Variants in DMXL1 observed in about 807,000 individuals in gnomAD.
DMXL1 encodes dmX-like protein 1.
DMXL1 carries 99 observed loss-of-function variants against 319.2 expected under a neutral mutation model. The observed-to-expected ratio is 0.31, with a 90% CI of 0.26 to 0.37. The LOEUF is 0.37. DMXL1 is among the 10% of genes least tolerant of loss of function. The probability of loss-of-function intolerance (pLI) is 1.00; values close to 1 mark genes in which losing one functional copy is unlikely to be tolerated. For synonymous variants in DMXL1, 1,385 were observed against 1,235.2 expected, an observed-to-expected ratio of 1.12 and a Z score of -2.54; for missense variants, 3,745 against 3,595.6, an observed-to-expected ratio of 1.04 and a Z score of -1.06.
chr5:119,082,702 A>G (rs1042502175), intron 1 of DMXL1, among the ~76,000 whole-genome samples: 9 of 152,230 alleles, frequency 5.9e-5, no homozygotes, highest in African/African-American at 1.9e-4. Flanking sequence ...AGCACCTTAA[A>G]TATTTGTGTT....
chr5:119,208,634 G>T (rs1782183068), intron 34 of DMXL1, among the ~76,000 whole-genome samples: 2 of 152,016 alleles, frequency 1.3e-5, no homozygotes, highest in Non-Finnish European at 2.9e-5. Flanking sequence ...TCTTTTTGAG[G>T]GGAGGGTTAA....
At chr5:119,096,726 T>C (rs1756057564) in intron 1 of DMXL1, among the ~76,000 whole-genome samples, 1 of 152,214 alleles carries the variant, frequency 6.6e-6, no homozygotes, top group Non-Finnish European at 1.5e-5. Flanking sequence ...AGAGTTATGC[T>C]AACTGTTGTA....
chr5:119,131,367 A>T (rs995030989), intron 10 of DMXL1, among the ~76,000 whole-genome samples: 1 of 152,110 alleles, frequency 6.6e-6, no homozygotes, highest in Non-Finnish European at 1.5e-5. Context: ...ATTTTTTGTT[A>T]CTAAGGTGTT....
intron 3 of DMXL1, chr5:119,103,988 A>G (rs1757813779): frequency 6.6e-6 from 1 of 152,240 alleles, no homozygotes; most frequent in South Asian, 2.1e-4. Context: ...AAAAAACTTG[A>G]TGAAGAAGGG....
chr5:119,172,343 CT>C (rs1774752481), intron 25 of DMXL1, among the ~76,000 whole-genome samples: 1 of 152,060 alleles, frequency 6.6e-6, no homozygotes, highest in Non-Finnish European at 1.5e-5. Flanking sequence ...GAAGTTTTCC[CT>C]TGTTAATACT....
intron 1 of DMXL1, among the ~76,000 whole-genome samples, chr5:119,086,574 A>G (rs1322611107): frequency 1.3e-5 from 2 of 152,124 alleles, no homozygotes; most frequent in African/African-American, 4.8e-5. Flanking sequence ...TGAGTTTGGA[A>G]GTCTTCCTTT....
In DMXL1 at chr5:119,157,370, T is replaced by G. The variant is rs571276551; in HGVS notation, c.4702+5334T>G. 2.0e-5 allele frequency among the ~76,000 whole-genome samples: 3 copies of G among 152,338 alleles called. No homozygotes were observed. The South Asian group carries it at 6.2e-4, about 32-fold the overall frequency. On this transcript the variant is annotated intron_variant, in intron 19 of 43. Coordinates refer to ENST00000539542, the MANE Select transcript of DMXL1 (RefSeq NM_001290321.3). ...TTTTTGCTTTTGTTGCCCGTCCCTT[T>G]GGTGTGATATCCAAAAAAATCATTG...
Position 119,220,331 on chromosome 5 carries a change from A to C in DMXL1, c.8014-141A>C, listed in dbSNP as rs140883198. On this transcript the variant is annotated intron_variant, in intron 35 of 43. Coordinates refer to ENST00000539542, the MANE Select transcript of DMXL1 (RefSeq NM_001290321.3). ...TCTCCAAACTGAAGCTTATTATTTC[A>C]CTAAAAGTAAGAATGCTGTATATCC... 1.8e-3 allele frequency: 1,196 copies of C among 678,844 alleles called. 11 individuals are homozygous for C. The African/African-American group carries it at 0.02, about 11-fold the overall frequency. 42.1% of individuals were successfully genotyped at this position (678,844 alleles called of 1,614,324 possible).
chr5:119,167,603 G>C lies in DMXL1; in HGVS notation c.5137G>C (p.Val1713Leu). 6.4e-7 allele frequency: 1 copy of C among 1,572,628 alleles called. No individual in the cohort carries two copies. The highest frequency in any genetic ancestry group is 8.6e-7 in the Non-Finnish European group (1 of 1,159,160). The change falls in exon 23 of 44, where the codon GTA (valine) becomes CTA (leucine). Residue 1713 changes from valine (V) to leucine (L), a missense_variant and splice_region_variant. This residue lies in a region of DMXL1 where 1,382 missense variants were observed against 1,269.5 expected (regional missense o/e 1.09). Coordinates refer to ENST00000539542, the MANE Select transcript of DMXL1 (RefSeq NM_001290321.3). ...LAGCLRDAIE[V>L]CLEKLNDIQL... ...TTAAAAACAATATTTTTTTTTAAAG[G>C]TATGTCTTGAGAAATTGAATGACAT...
At chr5:119,244,616 C>T in intron 43 of DMXL1, 40 bp downstream of exon 43, 5 of 1,460,244 alleles carry the variant, frequency 3.4e-6, no homozygotes, top group Non-Finnish European at 4.8e-6. Flanking sequence ...AAAATGAAAT[C>T]TTCAGAAACC....
At position 119,129,975 on chromosome 5, in the gene DMXL1, A is replaced by G. The variant is rs1764466388; in HGVS notation, c.1315+552A>G. ...GCAAGAACATTCAGCTGGAATTCAC[A>G]GGGCCCGTGTAGTTCCTGACTCTGT... On this transcript the variant is annotated intron_variant, in intron 10 of 43. Transcript: ENST00000539542. Among the ~76,000 whole-genome samples, 4 of 152,212 alleles carry G rather than the reference A, an allele frequency of 2.6e-5. No homozygotes were observed. In the South Asian group the frequency reaches 8.3e-4, roughly 32 times the overall value.
chr5:119,203,229 T>C, intron 32 of DMXL1, 90 bp from the exon 33 acceptor site: 3 of 803,866 alleles, frequency 3.7e-6, no homozygotes. Flanking sequence ...GCAGTTAATT[T>C]ATTATAATTT....
intron 19 of DMXL1, among the ~76,000 whole-genome samples, chr5:119,159,681 G>A (rs947015006): frequency 5.3e-5 from 8 of 152,178 alleles, no homozygotes; most frequent in Admixed American, 3.3e-4. Context: ...CTGGAGTGCC[G>A]TGGCGCCTCG....
chr5:119,117,789 A>G (rs1476603537), intron 7 of DMXL1, among the ~76,000 whole-genome samples: 1 of 152,122 alleles, frequency 6.6e-6, no homozygotes, highest in African/African-American at 2.4e-5. Context: ...ACCAATACAA[A>G]TTATGCTGTT....
intron 9 of DMXL1, chr5:119,127,956 C>A: frequency 2.6e-6 from 1 of 382,882 alleles, no homozygotes; most frequent in South Asian, 2.2e-5. Flanking sequence ...AAGTCCATGT[C>A]CTGAAGGAGA....
intron 19 of DMXL1, among the ~76,000 whole-genome samples, chr5:119,154,115 C>G (rs1296909696): frequency 2.0e-5 from 3 of 152,172 alleles, no homozygotes; most frequent in African/African-American, 7.2e-5. Flanking sequence ...CTGTATTTCT[C>G]CCTCTGCTCA....
chr5:119,221,130 C>T (rs1034179056), intron 37 of DMXL1, 49 bp downstream of exon 37: 45 of 1,398,754 alleles, frequency 3.2e-5, no homozygotes, highest in Non-Finnish European at 4.4e-5. Flanking sequence ...TTTTATTTTT[C>T]CCTCTAGGTT....
At chr5:119,102,725 T>A (rs1249608052) in intron 3 of DMXL1, among the ~76,000 whole-genome samples, 2 of 152,076 alleles carry the variant, frequency 1.3e-5, no homozygotes, top group African/African-American at 4.8e-5. Flanking sequence ...AGCCCAAAAA[T>A]TTGAGGTTGT....
chr5:119,237,703 AACT>A, intron 40 of DMXL1, among the ~76,000 whole-genome samples: 3 of 152,058 alleles, frequency 2.0e-5, no homozygotes, highest in Admixed American at 2.0e-4. Context: ...AACCTCACTA[AACT>A]GGTTATTATA....
Sources: gnomAD v4.1 joint callset for allele counts (sites outside exome capture counted in the v4.1 genomes callset) on GRCh38, gnomAD v4.1.1 for gene constraint, gnomAD v4.1.1 regional missense constraint, MANE v1.5 for transcripts, NCBI Gene and HGNC (gene_info 2026-07-23, HGNC 2026-07-21) for gene names.